HHAT: variants seen among roughly 807,000 people sequenced by gnomAD.
HHAT encodes protein-cysteine N-palmitoyltransferase HHAT.
Under a neutral mutation model 70.8 loss-of-function variants are expected in HHAT, and 47 were observed. That is an observed-to-expected ratio of 0.66 (90% CI 0.53 to 0.85). The LOEUF is 0.85. HHAT is among the 40% of genes least tolerant of loss of function. HHAT has a pLI of 0.00. For missense variants in HHAT, 609 were observed against 604.8 expected, an observed-to-expected ratio of 1.01 and a Z score of -0.07; for synonymous variants, 228 against 247.6, an observed-to-expected ratio of 0.92 and a Z score of 0.74.
At chr1:210,571,123 G>T (rs1478819857) in intron 9 of HHAT, among the ~76,000 whole-genome samples, 1 of 152,232 alleles carries the variant, frequency 6.6e-6, no homozygotes, top group Non-Finnish European at 1.5e-5. Flanking sequence ...CTAAGGCAAA[G>T]ATGGCGAGCT....
At chr1:210,637,858 C>CAAAAA (rs33961605) in intron 11 of HHAT, among the ~76,000 whole-genome samples, 2 of 116,392 alleles carry the variant, frequency 1.7e-5, no homozygotes, top group African/African-American at 6.3e-5. Context: ...GACTCCGTCT[C>CAAAAA]AAAAAAAAAA....
chr1:210,617,280 A>G (rs1667945600), intron 10 of HHAT, among the ~76,000 whole-genome samples: 1 of 152,268 alleles, frequency 6.6e-6, no homozygotes, highest in Admixed American at 6.5e-5. Flanking sequence ...AGATTAGGAA[A>G]TAAAATGGGA....
intron 7 of HHAT, among the ~76,000 whole-genome samples, chr1:210,458,137 AG>A (rs765801080): frequency 1.4e-3 from 220 of 152,236 alleles, no homozygotes; most frequent in Non-Finnish European, 2.4e-3. Context: ...TTTGGAGCCA[AG>A]AGACCTGGGT....
At chr1:210,382,829 G>C (rs895590210) in intron 3 of HHAT, among the ~76,000 whole-genome samples, 1 of 152,142 alleles carries the variant, frequency 6.6e-6, no homozygotes, top group Non-Finnish European at 1.5e-5. Flanking sequence ...GTGTTGTGGG[G>C]CAAAGGGGTG....
intron 11 of HHAT, among the ~76,000 whole-genome samples, chr1:210,650,765 T>C (rs1273920177): frequency 2.0e-5 from 3 of 152,182 alleles, no homozygotes; most frequent in Non-Finnish European, 4.4e-5. Context: ...AGCCCTTCTT[T>C]GCTTATAATG....
At chr1:210,658,412 T>A (rs369475308) in intron 11 of HHAT, among the ~76,000 whole-genome samples, 3 of 152,208 alleles carry the variant, frequency 2.0e-5, no homozygotes, top group Non-Finnish European at 4.4e-5. Flanking sequence ...CAGGTAGATA[T>A]AAGTTCATCC....
At chr1:210,388,889 T>G (rs1228357418) in intron 4 of HHAT, among the ~76,000 whole-genome samples, 2 of 152,194 alleles carry the variant, frequency 1.3e-5, no homozygotes, top group African/African-American at 4.8e-5. Context: ...GCTTCATACC[T>G]GTTTTTCTTT....
At chr1:210,399,956 C>T (rs1335824007) in intron 4 of HHAT, among the ~76,000 whole-genome samples, 1 of 152,024 alleles carries the variant, frequency 6.6e-6, no homozygotes, top group African/African-American at 2.4e-5. Context: ...GCAAAAAAAC[C>T]CTACATATTT....
chr1:210,442,566 C>T (rs2093544102), intron 7 of HHAT, among the ~76,000 whole-genome samples: 1 of 151,814 alleles, frequency 6.6e-6, no homozygotes, highest in Admixed American at 6.6e-5. Context: ...GATGGTATCT[C>T]ATTGTGGTTT....
At chr1:210,340,242 G>GGGGAAGAA (rs1553313987) in intron 1 of HHAT, among the ~76,000 whole-genome samples, 1 of 99,780 alleles carries the variant, frequency 1.0e-5, no homozygotes, top group African/African-American at 3.4e-5. Context: ...CTCTGTCTCA[G>GGGGAAGAA]AAAAAAAAAA....
Position 210,575,239 on chromosome 1 carries a change from A to G in HHAT, c.1044-12659A>G, listed in dbSNP as rs1372789637. Among the ~76,000 whole-genome samples the G allele has an allele frequency of 3.3e-5, 5 of 151,530 alleles. No individual in the cohort carries two copies. In the East Asian group the frequency reaches 9.7e-4, roughly 29 times the overall value. ...TTACTTCTGGCTTTTAGTACCCCCTACCCCGCCCCCACCTTTTCCTTTGGC... is the reference window on the plus strand; with the variant it reads ...TTACTTCTGGCTTTTAGTACCCCCTGCCCCGCCCCCACCTTTTCCTTTGGC... On this transcript the variant is annotated intron_variant, in intron 9 of 11. Transcript: ENST00000261458.
In HHAT at chr1:210,518,074, A is replaced by G. The variant is rs143776779; in HGVS notation, c.1043+4886A>G. Among the ~76,000 whole-genome samples the G allele has an allele frequency of 3.2e-4, 48 of 152,272 alleles. 2 individuals are homozygous for G. The East Asian group carries it at 8.1e-3, about 26-fold the overall frequency. The stretch of plus-strand genomic sequence containing the variant: ...AGTTAGCATATTGGTCATCTCATAC[A>G]TTTATTATTTGTGGTGAGAACATCC... On this transcript the variant is annotated intron_variant, in intron 9 of 11. Transcript: ENST00000261458.
intron 7 of HHAT, among the ~76,000 whole-genome samples, chr1:210,431,722 C>A (rs1034432901): frequency 6.6e-6 from 1 of 151,714 alleles, no homozygotes; most frequent in Non-Finnish European, 1.5e-5. Context: ...GGAATTTCTT[C>A]CAGGTTACTA....
chr1:210,372,240 G>C (rs2089633984), intron 3 of HHAT, among the ~76,000 whole-genome samples: 2 of 152,178 alleles, frequency 1.3e-5, no homozygotes, highest in South Asian at 4.1e-4. Context: ...TCCCTAGTCG[G>C]TGTAGCCAAA....
intron 11 of HHAT, among the ~76,000 whole-genome samples, chr1:210,670,501 C>T (rs1679853007): frequency 6.6e-6 from 1 of 152,168 alleles, no homozygotes; most frequent in African/African-American, 2.4e-5. Context: ...AGGATGGGTC[C>T]ATCTGGAAGC....
At chr1:210,623,421 C>T in intron 10 of HHAT, 105 bp from the exon 11 acceptor site, 1 of 1,284,140 alleles carries the variant, frequency 7.8e-7, no homozygotes, top group South Asian at 1.3e-5. Context: ...GGTTTGGGCT[C>T]TGTGGGGAGG....
intron 7 of HHAT, among the ~76,000 whole-genome samples, chr1:210,428,435 A>G (rs2093143539): frequency 6.7e-6 from 1 of 149,966 alleles, no homozygotes; most frequent in Non-Finnish European, 1.5e-5. Context: ...CCAGACAGTA[A>G]TCATATTTTA....
chr1:210,360,347 T>G (rs1256875306), intron 2 of HHAT, among the ~76,000 whole-genome samples: 1 of 151,894 alleles, frequency 6.6e-6, no homozygotes, highest in Non-Finnish European at 1.5e-5. Context: ...TTTCGCTCTT[T>G]TTGCCCAGGC....
At chr1:210,418,836 C>A (rs1291619690) in intron 7 of HHAT, among the ~76,000 whole-genome samples, 1 of 152,048 alleles carries the variant, frequency 6.6e-6, no homozygotes, top group Non-Finnish European at 1.5e-5. Flanking sequence ...AGTTTGAGAC[C>A]AGCCTGGCCA....
Sources: gnomAD v4.1 joint callset for allele counts (sites outside exome capture counted in the v4.1 genomes callset) on GRCh38, gnomAD v4.1.1 for gene constraint, MANE v1.5 for transcripts, NCBI Gene and HGNC (gene_info 2026-07-23, HGNC 2026-07-21) for gene names.